ESRP1: variants seen among roughly 807,000 people sequenced by gnomAD.
ESRP1 encodes the protein epithelial splicing regulatory protein 1, also known as RNA-binding motif protein 35A.
In ESRP1, 33 loss-of-function variants were observed where a neutral mutation model predicts 81.7. The ratio of observed to expected loss-of-function variants is 0.40; its 90% CI spans 0.31 to 0.54. The LOEUF (loss-of-function observed/expected upper bound fraction) is 0.54. Among genes scored for constraint, ESRP1 ranks in the 20% least tolerant of loss-of-function variants. The pLI is 0.41. For missense variants in ESRP1, 672 were observed against 833.1 expected (o/e 0.81, Z 2.38); for synonymous variants, 320 against 303.3 (o/e 1.06, Z -0.57).
At chr8:94,696,054 CT>C (rs1429423315) in intron 14 of ESRP1, among the ~76,000 whole-genome samples, 11 of 151,722 alleles carry the variant, frequency 7.3e-5, no homozygotes, top group Non-Finnish European at 1.3e-4. Flanking sequence ...CAGAACAAGA[CT>C]CTGTCTCAAA....
At position 94,674,249 on chromosome 8, in the gene ESRP1, C is replaced by T; in HGVS notation, c.1453-59C>T. The stretch of plus-strand genomic sequence containing the variant: ...TCACTTTGCATGTTTTGTAAGCAAC[C>T]ATTTCCTTGTTGAAGGAGACAGTCT... On this transcript the variant is annotated intron_variant, in intron 11 of 15. Transcript: ENST00000433389. 3 of 1,547,262 alleles carry T rather than the reference C, an allele frequency of 1.9e-6. No individual in the cohort carries two copies. The African/African-American group carries it at 4.2e-5, about 21-fold the overall frequency.
intron 13 of ESRP1, among the ~76,000 whole-genome samples, chr8:94,692,464 T>G (rs970572559): frequency 6.6e-6 from 1 of 152,208 alleles, no homozygotes; most frequent in African/African-American, 2.4e-5. Context: ...TATGTAATTC[T>G]GCACTAATCT....
rs73263300 is a variant in ESRP1 at position 94,658,516 on chromosome 8, T to C, written c.491-3756T>C. Among the ~76,000 whole-genome samples the C allele has an allele frequency of 8.3e-3, 1,259 of 152,310 alleles. 8 individuals carry two copies. Among genetic ancestry groups the C allele is most frequent in the African/African-American group, 0.025 (1,051 of 41,558 alleles). On this transcript the variant is annotated intron_variant, in intron 4 of 15. Transcript: ENST00000433389. ...GCCTAGAACAGTTTTGGTGGGTCAT[T>C]TGTGGCCTAATTTGGTTAGGGGATT...
intron 14 of ESRP1, among the ~76,000 whole-genome samples, chr8:94,696,593 C>T (rs1393317046): frequency 6.6e-6 from 1 of 152,076 alleles, no homozygotes; most frequent in Non-Finnish European, 1.5e-5. Context: ...CTCCTAAGTT[C>T]TTGTGGTATG....
At chr8:94,681,094 G>C (rs944537020) in intron 13 of ESRP1, among the ~76,000 whole-genome samples, 14 of 151,766 alleles carry the variant, frequency 9.2e-5, no homozygotes, top group African/African-American at 3.4e-4. Context: ...GGGAGGCCAA[G>C]GTGGACGGAT....
At chr8:94,704,787 AAAAAAAC>A in intron 15 of ESRP1, among the ~76,000 whole-genome samples, 4 of 104,750 alleles carry the variant, frequency 3.8e-5, no homozygotes, top group Non-Finnish European at 7.7e-5. Flanking sequence ...AAAAAAAAAA[AAAAAAAC>A]TGCAGTGAGC....
chr8:94,670,844 C>T (rs745894524), intron 10 of ESRP1, among the ~76,000 whole-genome samples: 16 of 152,330 alleles, frequency 1.1e-4, no homozygotes, highest in South Asian at 1.0e-3. Context: ...TTCATCTTTA[C>T]GGTCAACAAA....
intron 15 of ESRP1, among the ~76,000 whole-genome samples, chr8:94,700,108 C>T (rs771969658): frequency 6.6e-6 from 1 of 152,206 alleles, no homozygotes; most frequent in Non-Finnish European, 1.5e-5. Flanking sequence ...AATGATCAAG[C>T]TAACAAAAAG....
At chr8:94,694,332 C>T (rs1225751176) in intron 14 of ESRP1, among the ~76,000 whole-genome samples, 2 of 152,150 alleles carry the variant, frequency 1.3e-5, no homozygotes, top group African/African-American at 2.4e-5. Flanking sequence ...GTTGGCCAGG[C>T]ATGGTGGCTC....
chr8:94,680,940 T>C (rs1286882553), intron 13 of ESRP1, among the ~76,000 whole-genome samples: 1 of 151,986 alleles, frequency 6.6e-6, no homozygotes, highest in Non-Finnish European at 1.5e-5. Flanking sequence ...TGGTGGGTTA[T>C]GCCTGTAATC....
chr8:94,655,009 C>A (rs575865323), intron 4 of ESRP1, among the ~76,000 whole-genome samples: 12 of 150,512 alleles, frequency 8.0e-5, no homozygotes, highest in Admixed American at 3.3e-4. Flanking sequence ...TGGGAGAAGA[C>A]AAAACTAGGG....
rs10618511 is a variant in ESRP1, at chr8:94,704,766, G to GAAAA, written c.*36-1135_*36-1132dup. On this transcript the variant is annotated intron_variant, in intron 15 of 15. Coordinates refer to ENST00000433389, the MANE Select transcript of ESRP1 (RefSeq NM_017697.4). ...ACAATGCAAGGCACCATCTCTTTTT[G>GAAAA]AAAAAAAAAAAAAAAAAAAAAAAAA... 5.5e-3 allele frequency among the ~76,000 whole-genome samples: 600 copies of GAAAA among 108,714 alleles called. 44 individuals are homozygous for GAAAA. Among genetic ancestry groups the GAAAA allele is most frequent in the Middle Eastern group, 0.011 (2 of 174 alleles). The allele number at this position is 108,714 out of a possible 152,430, so 71.3% of individuals were successfully genotyped here.
intron 3 of ESRP1, among the ~76,000 whole-genome samples, chr8:94,644,093 A>AT (rs1817735810): frequency 6.6e-6 from 1 of 152,202 alleles, no homozygotes; most frequent in Non-Finnish European, 1.5e-5. Context: ...CAGAGAGAGG[A>AT]TTACAGAGTG....
intron 4 of ESRP1, among the ~76,000 whole-genome samples, chr8:94,655,651 G>A (rs928787381): frequency 6.6e-6 from 1 of 151,948 alleles, no homozygotes; most frequent in African/African-American, 2.4e-5. Context: ...CAGCATTTTG[G>A]GAGGCTCAGG....
chr8:94,699,054 A>G (rs569616555), intron 15 of ESRP1, among the ~76,000 whole-genome samples: 8 of 152,076 alleles, frequency 5.3e-5, no homozygotes, highest in East Asian at 1.9e-4. Context: ...TTCTTTTCAC[A>G]TGTTCATTGT....
chr8:94,642,155 G>A, intron 2 of ESRP1, 71 bp downstream of exon 2: 1 of 1,538,246 alleles, frequency 6.5e-7, no homozygotes, highest in Non-Finnish European at 8.7e-7. Flanking sequence ...CCCTCTCAGG[G>A]CGGCCCACGC....
rs1475520913 is a variant in ESRP1, at chr8:94,678,316, G to A, written c.1765G>A (p.Ala589Thr). 6.2e-7 allele frequency: 1 copy of A among 1,613,846 alleles called. No homozygotes were observed. The highest frequency in any genetic ancestry group is 8.5e-7 in the Non-Finnish European group (1 of 1,179,898). ...LNPRALQPST[A>T]YYPAGTQLFM... The stretch of plus-strand genomic sequence containing the variant: ...TCCACGAGCACTGCAGCCCTCCACA[G>A]CGTACTACCCAGCAGGCACTCAGCT... The change falls in exon 13 of 16, where the codon GCG (alanine) becomes ACG (threonine). Residue 589 changes from alanine to threonine, a missense_variant. Transcript: ENST00000433389.
chr8:94,670,163 C>T (rs891519929), intron 10 of ESRP1, among the ~76,000 whole-genome samples: 1 of 152,148 alleles, frequency 6.6e-6, no homozygotes, highest in Non-Finnish European at 1.5e-5. Flanking sequence ...CTCTACTTCT[C>T]CATCCTTCTT....
At chr8:94,649,792 C>T (rs1485362178) in intron 4 of ESRP1, among the ~76,000 whole-genome samples, 4 of 152,136 alleles carry the variant, frequency 2.6e-5, no homozygotes, top group Admixed American at 2.0e-4. Context: ...GGATTACAGG[C>T]GTGAGCCACT....
Sources: allele counts gnomAD v4.1 joint callset (sites outside exome capture counted in the v4.1 genomes callset), GRCh38; gene constraint gnomAD v4.1.1; transcripts MANE v1.5; gene names NCBI Gene and HGNC (gene_info 2026-07-23, HGNC 2026-07-21).